Variants in GLRA3 observed in about 807,000 individuals in gnomAD.
GLRA3 encodes the protein glycine receptor subunit alpha-3.
Under a neutral mutation model 60.4 loss-of-function variants are expected in GLRA3, and 44 were observed. That is an observed-to-expected ratio of 0.73 (90% CI 0.57 to 0.94). GLRA3 has a LOEUF of 0.94. Ranked by LOEUF, GLRA3 falls within the 40% of genes least tolerant of loss-of-function variation. The pLI is 0.00. For missense variants in GLRA3, 508 were observed against 564.6 expected (o/e 0.90, Z 1.02); for synonymous variants, 223 against 192.9 (o/e 1.16, Z -1.29).
chr4:174,737,474 T>C (rs1354300032), intron 3 of GLRA3, among the ~76,000 whole-genome samples: 1 of 152,206 alleles, frequency 6.6e-6, no homozygotes, highest in East Asian at 1.9e-4. Context: ...CCAATAATTA[T>C]TTTCAAATTT....
At position 174,751,104 on chromosome 4, in the gene GLRA3, T is replaced by TATCTATCTATCA. The variant is rs1554018215; in HGVS notation, c.267+15858_267+15859insTGATAGATAGAT. On this transcript the variant is annotated intron_variant, in intron 3 of 9. Coordinates refer to ENST00000274093, the MANE Select transcript of GLRA3 (RefSeq NM_006529.4). ...CTATCTATCTATCTATCTATCTATC[T>TATCTATCTATCA]ATCAATCATCTATCTACCTACCTAC... 5.6e-4 allele frequency among the ~76,000 whole-genome samples: 82 copies of TATCTATCTATCA among 145,308 alleles called. 1 individual carries two copies. Among genetic ancestry groups the TATCTATCTATCA allele is most frequent in the East Asian group, 8.4e-4 (4 of 4,788 alleles).
intron 2 of GLRA3, among the ~76,000 whole-genome samples, chr4:174,772,037 G>A (rs1007581157): frequency 5.9e-5 from 9 of 152,130 alleles, no homozygotes; most frequent in African/African-American, 1.9e-4. Flanking sequence ...GTTAGGTACC[G>A]TCTTTGGAGG....
intron 1 of GLRA3, among the ~76,000 whole-genome samples, chr4:174,801,245 T>C (rs11936186): frequency 0.014 from 2,108 of 152,130 alleles, 54 homozygotes; most frequent in African/African-American, 0.048. Flanking sequence ...CCTAATATCC[T>C]CCACAGAGCT....
intron 7 of GLRA3, among the ~76,000 whole-genome samples, chr4:174,668,921 T>G (rs1160443468): frequency 6.6e-6 from 1 of 152,132 alleles, no homozygotes; most frequent in Non-Finnish European, 1.5e-5. Flanking sequence ...TTAATAACAT[T>G]CAATCCTGGT....
intron 1 of GLRA3, among the ~76,000 whole-genome samples, chr4:174,825,816 G>A (rs1353357235): frequency 6.6e-6 from 1 of 151,948 alleles, no homozygotes; most frequent in Non-Finnish European, 1.5e-5. Flanking sequence ...AAGTATAGAT[G>A]ATACTTTAGT....
chr4:174,734,955 G>A (rs116557377), intron 3 of GLRA3, among the ~76,000 whole-genome samples: 2,377 of 152,196 alleles, frequency 0.016, 67 homozygotes, highest in African/African-American at 0.054. Flanking sequence ...CCTACAAAGG[G>A]CCAGTACTCC....
chr4:174,678,546 C>G (rs1484219662), intron 6 of GLRA3, among the ~76,000 whole-genome samples: 1 of 152,160 alleles, frequency 6.6e-6, no homozygotes, highest in African/African-American at 2.4e-5. Flanking sequence ...GTGACTTGGG[C>G]CGTGCGTGAT....
chr4:174,643,539 T>C lies in GLRA3; in HGVS notation c.*247A>G. The C allele has an allele frequency of 1.7e-6, 2 of 1,159,992 alleles. No individual in the cohort carries two copies. The highest frequency in any genetic ancestry group is 2.1e-6 in the Non-Finnish European group (2 of 937,512). 71.9% of individuals were successfully genotyped at this position (1,159,992 alleles called of 1,614,324 possible). A position where few individuals can be genotyped will look rare whatever the true frequency, so the allele number is the denominator to read the frequency against. ...TAAAGCTTCCACTTACATGGTTTAC[T>C]GTGAAAAAACAAATCACCTGGAATT... On this transcript the variant is annotated 3_prime_UTR_variant, in exon 10 of 10. Transcript: ENST00000274093.
chr4:174,780,337 C>T (rs1351593939), intron 2 of GLRA3, among the ~76,000 whole-genome samples: 7 of 151,380 alleles, frequency 4.6e-5, no homozygotes, highest in East Asian at 1.9e-4. Context: ...AAGGAACAAC[C>T]GGTACCAGCT....
At position 174,637,522 on chromosome 4, in the gene GLRA3, G is replaced by C. The variant is rs1732524013; in HGVS notation, c.*6264C>G. ...CAATTTTACATCTGAATCCTTTCCT[G>C]CCATTTAAGTCACAGCTCCCTAGTA... On this transcript the variant is annotated 3_prime_UTR_variant, in exon 10 of 10. Transcript: ENST00000274093. 6.6e-6 allele frequency: 1 copy of C among 152,144 alleles called. No individual in the cohort carries two copies. The highest frequency in any genetic ancestry group is 1.5e-5 in the Non-Finnish European group (1 of 68,026). The allele number at this position is 152,144 out of a possible 1,614,324, so 9.4% of individuals were successfully genotyped here.
At chr4:174,714,138 CT>C (rs1198177730) in intron 5 of GLRA3, among the ~76,000 whole-genome samples, 2 of 152,166 alleles carry the variant, frequency 1.3e-5, no homozygotes, top group Non-Finnish European at 2.9e-5. Context: ...CTTAAACAAT[CT>C]TGGTTCATTT....
chr4:174,780,343 C>T (rs1738814334), intron 2 of GLRA3, among the ~76,000 whole-genome samples: 2 of 151,726 alleles, frequency 1.3e-5, no homozygotes, highest in Admixed American at 1.3e-4. Flanking sequence ...CAACCGGTAC[C>T]AGCTGCTGCA....
chr4:174,709,945 A>T (rs1217869313), intron 5 of GLRA3, among the ~76,000 whole-genome samples: 1 of 151,346 alleles, frequency 6.6e-6, no homozygotes, highest in East Asian at 1.9e-4. Flanking sequence ...CTAAATATTG[A>T]AGAAAACATA....
At chr4:174,797,199 T>C (rs1739607109) in intron 1 of GLRA3, among the ~76,000 whole-genome samples, 1 of 152,228 alleles carries the variant, frequency 6.6e-6, no homozygotes, top group Admixed American at 6.5e-5. Context: ...TAAGAAACTT[T>C]ACCATCAAAG....
intron 7 of GLRA3, among the ~76,000 whole-genome samples, chr4:174,664,004 G>T (rs960841980): frequency 6.6e-6 from 1 of 152,122 alleles, no homozygotes; most frequent in South Asian, 2.1e-4. Context: ...GAGGTGCACT[G>T]GTCAGGGGAC....
chr4:174,715,867 T>A (rs1735898807), intron 4 of GLRA3, among the ~76,000 whole-genome samples: 1 of 152,174 alleles, frequency 6.6e-6, no homozygotes, highest in Non-Finnish European at 1.5e-5. Context: ...AATATAAGCA[T>A]CCCGTCATAT....
At chr4:174,691,520 C>T (rs534051029) in intron 5 of GLRA3, among the ~76,000 whole-genome samples, 1 of 152,316 alleles carries the variant, frequency 6.6e-6, no homozygotes, top group East Asian at 1.9e-4. Flanking sequence ...CTGCCGAGTG[C>T]CTGCGATTGC....
rs937420286 is a variant in GLRA3, at chr4:174,648,546, C to A, written c.1117-4482G>T. Reference sequence around the variant, plus strand: ...ACTGCTGTGAAATGTAACACCTCTACAGAAGAGTAGATATGTTAAGTATAG... The same window carrying A: ...ACTGCTGTGAAATGTAACACCTCTAAAGAAGAGTAGATATGTTAAGTATAG... On this transcript the variant is annotated intron_variant, in intron 9 of 9. Transcript: ENST00000274093. 2.0e-5 allele frequency among the ~76,000 whole-genome samples: 3 copies of A among 152,108 alleles called. No homozygotes were observed. In the East Asian group the frequency reaches 5.8e-4, roughly 29 times the overall value.
intron 4 of GLRA3, among the ~76,000 whole-genome samples, chr4:174,727,950 T>G (rs1386025239): frequency 6.6e-6 from 1 of 152,138 alleles, no homozygotes. Context: ...CAAAGTTTAT[T>G]AACAAATCAT....
Sources: allele counts gnomAD v4.1 joint callset (sites outside exome capture counted in the v4.1 genomes callset), GRCh38; gene constraint gnomAD v4.1.1; transcripts MANE v1.5; gene names NCBI Gene and HGNC (gene_info 2026-07-23, HGNC 2026-07-21).